SMC3: variants seen among roughly 807,000 people sequenced by gnomAD.
The protein encoded by SMC3 is structural maintenance of chromosomes protein 3.
Under a neutral mutation model 171.8 loss-of-function variants are expected in SMC3, and 20 were observed. That is an observed-to-expected ratio of 0.12 (90% confidence interval 0.08 to 0.17). SMC3 has a LOEUF of 0.17. SMC3 is among the 10% of genes least tolerant of loss of function. The probability of loss-of-function intolerance (pLI) is 1.00; values close to 1 mark genes in which losing one functional copy is unlikely to be tolerated. For synonymous variants in SMC3, 464 were observed against 451.1 expected (o/e 1.03, Z -0.36); for missense variants, 543 against 1,420.4 (o/e 0.38, Z 9.93).
chr10:110,603,019 G>C lies in SMC3; in HGVS notation c.3475+17G>C. 6.2e-7 allele frequency: 1 copy of C among 1,613,638 alleles called. No homozygotes were observed. The highest frequency in any genetic ancestry group is 1.1e-5 in the South Asian group (1 of 91,074). On this transcript the variant is annotated intron_variant, in intron 27 of 28. Transcript: ENST00000361804. ...CTGTGTCAGGTACAGTTTCAGTACA[G>C]TTTTGGTTTTGTATTTAACAATAAG...
At chr10:110,571,509 T>G (rs569785199) in intron 2 of SMC3, among the ~76,000 whole-genome samples, 27 of 152,356 alleles carry the variant, frequency 1.8e-4, no homozygotes, top group African/African-American at 6.5e-4. Flanking sequence ...CATTGATGCC[T>G]CCAAGCTTTT....
intron 18 of SMC3, among the ~76,000 whole-genome samples, chr10:110,593,770 T>A (rs1564793247): frequency 6.6e-6 from 1 of 151,924 alleles, no homozygotes; most frequent in Non-Finnish European, 1.5e-5. Context: ...GGTGGATAAC[T>A]TGAGGAGGGA....
At chr10:110,602,206 A>T (rs538079828) in intron 25 of SMC3, 28 bp downstream of exon 25, 2 of 1,566,802 alleles carry the variant, frequency 1.3e-6, no homozygotes, top group South Asian at 2.2e-5. Context: ...GTTAAAACAT[A>T]CACACAGAGG....
intron 16 of SMC3, 41 bp downstream of exon 16, chr10:110,590,613 G>T: frequency 4.5e-6 from 7 of 1,563,954 alleles, no homozygotes; most frequent in Non-Finnish European, 6.2e-6. Flanking sequence ...TTAGAAGAGG[G>T]AATAAGAATA....
Position 110,599,798 on chromosome 10 carries a change from C to G in SMC3, c.2413C>G (p.Arg805Gly). Residue 805 changes from arginine to glycine, a missense_variant, in exon 21 of 29, where the codon CGT (arginine) becomes GGT (glycine). Coordinates refer to ENST00000361804, the MANE Select transcript of SMC3 (RefSeq NM_005445.4). The part of the protein sequence containing the change: ...KRVDALNDEI[R>G]QLQQENRQLL... Reference sequence around the variant, plus strand: ...AGTAGATGCACTGAATGATGAGATTCGTCAACTTCAGCAGGTAAGTAGACA... The same window carrying G: ...AGTAGATGCACTGAATGATGAGATTGGTCAACTTCAGCAGGTAAGTAGACA... 6.2e-7 allele frequency: 1 copy of G among 1,613,996 alleles called. No individual in the cohort carries two copies. The highest frequency in any genetic ancestry group is 8.5e-7 in the Non-Finnish European group (1 of 1,179,978).
rs149820913 is a variant in SMC3, at chr10:110,605,280, G to A, written c.*978G>A. Among the ~76,000 whole-genome samples, 1 of 152,150 alleles carries A rather than the reference G, an allele frequency of 6.6e-6. No individual in the cohort carries two copies. Among genetic ancestry groups the A allele is most frequent in the East Asian group, 1.9e-4 (1 of 5,184 alleles). ...TTTGAAAGTAGGTCTTTAAGCACTGGGGGTCTCCTGTGACCCTGGAAAACT... is the reference window on the plus strand; with the variant it reads ...TTTGAAAGTAGGTCTTTAAGCACTGAGGGTCTCCTGTGACCCTGGAAAACT... On this transcript the variant is annotated 3_prime_UTR_variant, in exon 29 of 29. Transcript: ENST00000361804.
At chr10:110,595,026 A>G (rs1222283976) in intron 18 of SMC3, among the ~76,000 whole-genome samples, 2 of 150,672 alleles carry the variant, frequency 1.3e-5, no homozygotes, top group Non-Finnish European at 2.9e-5. Context: ...TTTCGAGCCC[A>G]GGCTGGAGTG....
chr10:110,587,439 T>C (rs1861138559), intron 13 of SMC3, among the ~76,000 whole-genome samples: 1 of 152,170 alleles, frequency 6.6e-6, no homozygotes, highest in Non-Finnish European at 1.5e-5. Flanking sequence ...CCCAGCACTT[T>C]GGGAGGCCGA....
At chr10:110,583,354 C>G in intron 10 of SMC3, 30 bp from the exon 11 acceptor site, 1 of 1,580,848 alleles carries the variant, frequency 6.3e-7, no homozygotes, top group South Asian at 1.1e-5. Flanking sequence ...CTTCTAATTG[C>G]CTTATTTTCT....
chr10:110,579,903 A>G (rs1480603702), intron 7 of SMC3, among the ~76,000 whole-genome samples: 1 of 152,208 alleles, frequency 6.6e-6, no homozygotes, highest in Non-Finnish European at 1.5e-5. Context: ...CTTGTTATAT[A>G]TTAAGTTGCA....
intron 13 of SMC3, among the ~76,000 whole-genome samples, chr10:110,586,207 T>C (rs373856103): frequency 1.3e-5 from 2 of 152,340 alleles, no homozygotes; most frequent in South Asian, 2.1e-4. Flanking sequence ...TGTACTCATA[T>C]TCTCACTTTA....
chr10:110,572,182 CCT>C (rs1860882520), intron 2 of SMC3, among the ~76,000 whole-genome samples: 1 of 152,146 alleles, frequency 6.6e-6, no homozygotes, highest in African/African-American at 2.4e-5. Flanking sequence ...TTTTTACACA[CCT>C]TTTTCCTTAA....
Position 110,598,217 on chromosome 10 carries a change from G to A in SMC3, c.2195G>A (p.Arg732Lys). The A allele has an allele frequency of 6.2e-7, 1 of 1,613,862 alleles. No individual in the cohort carries two copies. The highest frequency in any genetic ancestry group is 8.5e-7 in the Non-Finnish European group (1 of 1,179,862). ...CAGCAAAGGAAATTTAAAGCATCTA[G>A]AGATAGCATATTATCAGAAATGAAG... ...ETQQRKFKAS[R>K]DSILSEMKML... The change falls in exon 20 of 29, where the codon AGA (arginine) becomes AAA (lysine). Residue 732 changes from arginine (R) to lysine (K), a missense_variant. Around this residue, in one of 8 missense-constraint regions of SMC3, gnomAD observed 218 missense variants for 509.6 expected, o/e 0.43. Transcript: ENST00000361804.
chr10:110,587,842 C>G (rs920063347), intron 13 of SMC3, among the ~76,000 whole-genome samples: 3 of 152,124 alleles, frequency 2.0e-5, no homozygotes, highest in Non-Finnish European at 4.4e-5. Flanking sequence ...TTCAGATAGC[C>G]TGGGGATGAA....
intron 23 of SMC3, 28 bp from the exon 24 acceptor site, chr10:110,601,609 A>C (rs747480711): frequency 8.1e-6 from 13 of 1,605,222 alleles, no homozygotes; most frequent in Non-Finnish European, 1.1e-5. Flanking sequence ...TAGGTATTAT[A>C]GCCTAATTTT....
At chr10:110,594,654 C>G (rs1210577106) in intron 18 of SMC3, among the ~76,000 whole-genome samples, 2 of 152,002 alleles carry the variant, frequency 1.3e-5, no homozygotes, top group African/African-American at 4.8e-5. Context: ...GTTTAGTTTA[C>G]CTGCCCTCAA....
At chr10:110,577,223 T>C (rs1247638438) in intron 4 of SMC3, among the ~76,000 whole-genome samples, 198 bp from the exon 5 acceptor site, 3 of 152,134 alleles carry the variant, frequency 2.0e-5, no homozygotes, top group African/African-American at 7.2e-5. Flanking sequence ...ACTATAACTC[T>C]GGGGATATCC....
In SMC3 at chr10:110,581,564, A is replaced by G. The variant is rs141957072; in HGVS notation, c.548-359A>G. Reference sequence around the variant, plus strand: ...AAGCTTAAACTGAGGCCCTTACTACATGTTATAAAAGAACCAGTGTCACCA... The same window carrying G: ...AAGCTTAAACTGAGGCCCTTACTACGTGTTATAAAAGAACCAGTGTCACCA... On this transcript the variant is annotated intron_variant, in intron 8 of 28. Coordinates refer to ENST00000361804, the MANE Select transcript of SMC3 (RefSeq NM_005445.4). Among the ~76,000 whole-genome samples, 505 of 152,278 alleles carry G rather than the reference A, an allele frequency of 3.3e-3. 3 individuals carry two copies. The highest frequency in any genetic ancestry group is 0.011 in the African/African-American group (469 of 41,562).
chr10:110,592,286 G>C (rs1388252687), intron 17 of SMC3, among the ~76,000 whole-genome samples: 1 of 148,108 alleles, frequency 6.8e-6, no homozygotes, highest in Non-Finnish European at 1.5e-5. Flanking sequence ...AAATTTTATA[G>C]AACTGGGAAG....
Sources: gnomAD v4.1 joint callset for allele counts (sites outside exome capture counted in the v4.1 genomes callset) on GRCh38, gnomAD v4.1.1 for gene constraint, gnomAD v4.1.1 regional missense constraint, MANE v1.5 for transcripts, NCBI Gene and HGNC (gene_info 2026-07-23, HGNC 2026-07-21) for gene names.